The following OTX1 variants were observed in gnomAD, a reference collection of about 807,000 sequenced individuals.
OTX1 encodes the protein orthodenticle homeobox 1, also known as homeobox protein OTX1.
OTX1 carries 7 observed loss-of-function variants against 26.7 expected under a neutral mutation model. That is an observed-to-expected ratio of 0.26 (90% CI 0.15 to 0.49). The LOEUF (loss-of-function observed/expected upper bound fraction) is 0.49, where lower values mean the gene tolerates loss of function less well. Ranked by LOEUF, OTX1 falls within the 20% of genes least tolerant of loss-of-function variation. The pLI is 0.98. For synonymous variants in OTX1, 216 were observed against 212.8 expected (o/e 1.01, Z -0.13); for missense variants, 414 against 483.8 (o/e 0.86, Z 1.35).
chr2:63,054,027 G>GC lies in OTX1; in HGVS notation c.98-15dup. ...CACGTGGCCACCAATGACCCGCGGC[G>GC]CCCCCGCGTGTCCCCGCAGCCACTC... On this transcript the variant is annotated intron_variant, in intron 3 of 4. Coordinates refer to ENST00000282549, the MANE Select transcript of OTX1 (RefSeq NM_014562.4). 3 of 1,604,630 alleles carry GC rather than the reference G, an allele frequency of 1.9e-6. No homozygotes were observed. Among genetic ancestry groups the GC allele is most frequent in the Non-Finnish European group, 8.5e-7 (1 of 1,175,526 alleles).
chr2:63,056,047 C>T lies in OTX1; in HGVS notation c.796C>T (p.Pro266Ser). Residue 266 changes from proline to serine, a missense_variant, in exon 5 of 5, where the codon CCC becomes TCC. This residue lies in a region of OTX1 where 320 missense variants were observed against 347.9 expected (regional missense o/e 0.92). Coordinates refer to ENST00000282549, the MANE Select transcript of OTX1 (RefSeq NM_014562.4). ...ACATCACCACCCGCACCAGCTCAGC[C>T]CCATGGCACCCTCCTCCATGGCGGG... ...HSHHHPHQLS[P>S]MAPSSMAGHH... 2.5e-6 allele frequency: 4 copies of T among 1,613,480 alleles called. No homozygotes were observed. The highest frequency in any genetic ancestry group is 3.4e-6 in the Non-Finnish European group (4 of 1,179,536).
chr2:63,054,289 A>G, intron 4 of OTX1, 91 bp downstream of exon 4: 1 of 1,299,438 alleles, frequency 7.7e-7, no homozygotes, highest in South Asian at 1.8e-5. Flanking sequence ...TCTTGAGGAG[A>G]CCATCCTGTG....
At position 63,056,037 on chromosome 2, in the gene OTX1, C is replaced by G; in HGVS notation, c.786C>G (p.His262Gln). ...CCATGCACTCACATCACCACCCGCA[C>G]CAGCTCAGCCCCATGGCACCCTCCT... ...LAPMHSHHHP[H>Q]QLSPMAPSSM... The change falls in exon 5 of 5, where the codon CAC becomes CAG. Residue 262 changes from histidine (H) to glutamine (Q), a missense_variant. Physicochemically the swap from His to Gln is conservative, Grantham distance 24. This residue lies in a region of OTX1 where 320 missense variants were observed against 347.9 expected (regional missense o/e 0.92). Transcript: ENST00000282549. 1 of 1,613,520 alleles carries G rather than the reference C, an allele frequency of 6.2e-7. No individual in the cohort carries two copies. Among genetic ancestry groups the G allele is most frequent in the African/African-American group, 1.3e-5 (1 of 75,030 alleles).
chr2:63,050,483 G>C (rs963194263), upstream of OTX1, among the ~76,000 whole-genome samples: 1 of 152,174 alleles, frequency 6.6e-6, no homozygotes, highest in Non-Finnish European at 1.5e-5. Context: ...ACTCCCTCCG[G>C]AGCGCCGAGA....
intron 3 of OTX1, chr2:63,053,544 T>A: frequency 5.7e-6 from 1 of 175,222 alleles, no homozygotes. Flanking sequence ...GTCCTCTAAA[T>A]CGATGTCCTG....
upstream of OTX1, chr2:63,050,026 TA>T (rs1013056563): frequency 6.6e-6 from 1 of 152,256 alleles, no homozygotes; most frequent in African/African-American, 2.4e-5. Context: ...ATGTTTCAAT[TA>T]AGAAGTAGGG....
At position 63,055,747 on chromosome 2, in the gene OTX1, T is replaced by C; in HGVS notation, c.496T>C (p.Ser166Pro). 1.2e-6 allele frequency: 2 copies of C among 1,612,386 alleles called. No homozygotes were observed. The highest frequency in any genetic ancestry group is 1.7e-6 in the Non-Finnish European group (2 of 1,179,622). ...AGGTGGGAACCCGGTGGCGGCCGCG[T>C]CGTCGCTGAGTACACCAGCTGCCTC... The part of the protein sequence containing the change: ...GLGGNPVAAA[S>P]SLSTPAASSI... The change falls in exon 5 of 5, where the codon TCG (serine) becomes CCG (proline). Residue 166 changes from serine (S) to proline (P), a missense_variant. Transcript: ENST00000282549. The surrounding 1 kb of genome is among the most constrained non-coding windows in gnomAD (Gnocchi z 5.2).
At chr2:63,053,975 G>A (rs1234767031) in intron 3 of OTX1, 72 bp from the exon 4 acceptor site, 25 of 1,540,450 alleles carry the variant, frequency 1.6e-5, no homozygotes, top group Non-Finnish European at 2.2e-5. Flanking sequence ...CCTGCCAGGG[G>A]CCTGCCCGAG....
chr2:63,051,022 T>A (rs1421390633), intron 1 of OTX1, 125 bp downstream of exon 1: 1 of 152,264 alleles, frequency 6.6e-6, no homozygotes, highest in Non-Finnish European at 1.5e-5. Context: ...GCCCCTCGAA[T>A]TCCCCCCCTT....
At chr2:63,053,650 G>A (rs568245077) in intron 3 of OTX1, 2 of 188,044 alleles carry the variant, frequency 1.1e-5, no homozygotes, top group African/African-American at 4.7e-5. Flanking sequence ...TTCTCCGAAA[G>A]TGTTTTTCAG....
At chr2:63,050,609 C>G (rs2062018209), upstream of OTX1, 1 of 151,484 alleles carries the variant, frequency 6.6e-6, no homozygotes, top group Non-Finnish European at 1.5e-5. Flanking sequence ...CTTTTGCCAG[C>G]CGAGTCCCGG....
intron 2 of OTX1, 44 bp from the exon 3 acceptor site, chr2:63,052,836 A>G (rs2062035396): frequency 1.7e-6 from 1 of 573,760 alleles, no homozygotes; most frequent in Non-Finnish European, 3.0e-6. Flanking sequence ...TTGGCAGCCA[A>G]GTGGCTCCGA....
intron 3 of OTX1, 153 bp downstream of exon 3, chr2:63,053,240 C>A: frequency 1.8e-6 from 1 of 542,848 alleles, no homozygotes; most frequent in Non-Finnish European, 3.2e-6. Context: ...GGGCCCACTG[C>A]CGGCGCATGG....
rs1160739571 is a variant in OTX1 at position 63,057,814 on chromosome 2, T to A, written c.*1498T>A. 1 of 151,784 alleles carries A rather than the reference T, an allele frequency of 6.6e-6. No homozygotes were observed. Among genetic ancestry groups the A allele is most frequent in the Non-Finnish European group, 1.5e-5 (1 of 67,994 alleles). The allele number at this position is 151,784 out of a possible 1,614,324, so 9.4% of individuals were successfully genotyped here. A position where few individuals can be genotyped will look rare whatever the true frequency, so the allele number is the denominator to read the frequency against. ...CTTTATCTACATTACTTCCCGAAAA[T>A]AAATGCAAATTAATGAACGGCTTGT... On this transcript the variant is annotated 3_prime_UTR_variant, in exon 5 of 5. Coordinates refer to ENST00000282549, the MANE Select transcript of OTX1 (RefSeq NM_014562.4).
rs529100629 is a variant in OTX1 at position 63,055,269 on chromosome 2, C to T, written c.250-232C>T. 3.9e-5 allele frequency among the ~76,000 whole-genome samples: 6 copies of T among 152,244 alleles called. No homozygotes were observed. Among genetic ancestry groups the T allele is most frequent in the Non-Finnish European group, 8.8e-5 (6 of 68,018 alleles). On this transcript the variant is annotated intron_variant, in intron 4 of 4. Coordinates refer to ENST00000282549, the MANE Select transcript of OTX1 (RefSeq NM_014562.4). The surrounding 1 kb of genome is among the most constrained non-coding windows in gnomAD (Gnocchi z 5.2). ...GGTAGGGGTGGGGAGGTGCGCATCCCTGCTCTGGAGCCAGCTGAGGAGGGG... is the reference window on the plus strand; with the variant it reads ...GGTAGGGGTGGGGAGGTGCGCATCCTTGCTCTGGAGCCAGCTGAGGAGGGG...
chr2:63,052,844 C>A, intron 2 of OTX1, 36 bp from the exon 3 acceptor site: 1 of 584,420 alleles, frequency 1.7e-6, no homozygotes, highest in East Asian at 3.2e-5. Context: ...CAAGTGGCTC[C>A]GATTGACGGT....
chr2:63,055,864 T>G lies in OTX1; in HGVS notation c.613T>G (p.Cys205Gly). 1 of 1,612,424 alleles carries G rather than the reference T, an allele frequency of 6.2e-7. No individual in the cohort carries two copies. The highest frequency in any genetic ancestry group is 8.5e-7 in the Non-Finnish European group (1 of 1,179,904). The change falls in exon 5 of 5, where the codon TGT becomes GGT. Residue 205 changes from cysteine to glycine, a missense_variant. This residue lies in a region of OTX1 where 320 missense variants were observed against 347.9 expected (regional missense o/e 0.92). Coordinates refer to ENST00000282549, the MANE Select transcript of OTX1 (RefSeq NM_014562.4). The surrounding 1 kb of genome is among the most constrained non-coding windows in gnomAD (Gnocchi z 5.2). ...ATTGGCCGCGCCTAGCAACACCTCGTGTATGCAGCGCTCCGTAGCTGCAGG... is the reference window on the plus strand; with the variant it reads ...ATTGGCCGCGCCTAGCAACACCTCGGGTATGCAGCGCTCCGTAGCTGCAGG... Reference protein sequence around the residue: ...EPLAAPSNTSCMQRSVAAGAA... With the variant: ...EPLAAPSNTSGMQRSVAAGAA...
upstream of OTX1, among the ~76,000 whole-genome samples, chr2:63,050,320 C>A (rs889700324): frequency 2.0e-5 from 3 of 152,132 alleles, no homozygotes; most frequent in Non-Finnish European, 4.4e-5. Flanking sequence ...GGGAAGAAAA[C>A]GCTGGGGCCC....
chr2:63,055,625 G>A lies in OTX1; in HGVS notation c.374G>A (p.Gly125Asp). The stretch of plus-strand genomic sequence containing the variant: ...GAGAGCTCGGGCTCCGAAAGCAGTG[G>A]CCAATTCACGCCGCCAGCTGTGTCC... ...VRESSGSESS[G>D]QFTPPAVSSS... Residue 125 changes from glycine to aspartate, a missense_variant, in exon 5 of 5, where the codon GGC becomes GAC. Physicochemically the swap from Gly to Asp is moderately conservative, Grantham distance 94. Coordinates refer to ENST00000282549, the MANE Select transcript of OTX1 (RefSeq NM_014562.4). This position sits in a 1 kb window ranked among gnomAD's most constrained non-coding sequence, Gnocchi z 5.2. The A allele has an allele frequency of 1.2e-6, 2 of 1,614,160 alleles. No individual in the cohort carries two copies. The highest frequency in any genetic ancestry group is 1.7e-6 in the Non-Finnish European group (2 of 1,180,034).
Sources: allele counts gnomAD v4.1 joint callset (sites outside exome capture counted in the v4.1 genomes callset), GRCh38; gene constraint gnomAD v4.1.1; regional missense constraint gnomAD v4.1.1; non-coding constraint Gnocchi (gnomAD v3.1); transcripts MANE v1.5; gene names NCBI Gene and HGNC (gene_info 2026-07-23, HGNC 2026-07-21).